The following SAE1 variants were observed in gnomAD, a reference collection of about 807,000 sequenced individuals.
The protein encoded by SAE1 is SUMO1 activating enzyme subunit 1, also known as SUMO-activating enzyme subunit 1.
A neutral mutation model predicts 40.6 loss-of-function variants in SAE1; 11 were observed. The observed-to-expected ratio is 0.27, with a 90% CI of 0.17 to 0.45. The LOEUF is 0.45. SAE1 is among the 20% of genes least tolerant of loss of function. The pLI is 1.00. For missense variants in SAE1, 373 were observed against 427.3 expected, an observed-to-expected ratio of 0.87 and a Z score of 1.12; for synonymous variants, 155 against 154.3, an observed-to-expected ratio of 1.00 and a Z score of -0.03.
intron 2 of SAE1, among the ~76,000 whole-genome samples, chr19:47,143,992 G>C (rs2058238864): frequency 6.6e-6 from 1 of 152,186 alleles, no homozygotes; most frequent in South Asian, 2.1e-4. Flanking sequence ...TTCACCCCTA[G>C]TGATTCTCAT....
chr19:47,190,401 A>G (rs975144915), intron 6 of SAE1, among the ~76,000 whole-genome samples: 2 of 152,214 alleles, frequency 1.3e-5, no homozygotes, highest in Non-Finnish European at 2.9e-5. Flanking sequence ...GGAGAATTTA[A>G]TAAGCGAGAA....
Position 47,154,655 on chromosome 19 carries a change from C to T in SAE1, c.528-459C>T, listed in dbSNP as rs547334539. Among the ~76,000 whole-genome samples, 22 of 151,774 alleles carry T rather than the reference C, an allele frequency of 1.4e-4. No individual in the cohort carries two copies. In the South Asian group the frequency reaches 2.7e-3, roughly 19 times the overall value. ...GATTACAGGCGCCCACCACCACGCC[C>T]GGCTAGTTTTTTGTATTTTTAGTAG... On this transcript the variant is annotated intron_variant, in intron 4 of 8. Transcript: ENST00000270225.
intron 6 of SAE1, among the ~76,000 whole-genome samples, chr19:47,196,659 G>A (rs1244446123): frequency 6.6e-6 from 1 of 151,396 alleles, no homozygotes; most frequent in Non-Finnish European, 1.5e-5. Flanking sequence ...ACCGCACCCG[G>A]CTCTTCCAGG....
At chr19:47,174,850 G>A (rs538476643) in intron 6 of SAE1, among the ~76,000 whole-genome samples, 115 of 152,118 alleles carry the variant, frequency 7.6e-4, no homozygotes, top group Non-Finnish European at 1.4e-3. Context: ...TGGGATTACA[G>A]GCGTGAGCCA....
intron 6 of SAE1, among the ~76,000 whole-genome samples, chr19:47,193,970 C>CA (rs1216113667): frequency 2.0e-5 from 3 of 151,988 alleles, no homozygotes; most frequent in African/African-American, 7.2e-5. Flanking sequence ...CTGAGAAAAG[C>CA]ATAGCCCAGA....
chr19:47,154,742 C>T (rs753242960), intron 4 of SAE1, among the ~76,000 whole-genome samples: 9 of 152,064 alleles, frequency 5.9e-5, no homozygotes, highest in African/African-American at 1.2e-4. Context: ...GTGACACGCC[C>T]GCCTTGGCCT....
chr19:47,147,028 A>G (rs543837004), intron 2 of SAE1, among the ~76,000 whole-genome samples: 10 of 152,092 alleles, frequency 6.6e-5, no homozygotes, highest in Non-Finnish European at 1.2e-4. Context: ...GAGTTGGTTT[A>G]TGGAGCTATA....
chr19:47,194,600 G>C (rs1009432287), intron 6 of SAE1, among the ~76,000 whole-genome samples: 1 of 152,158 alleles, frequency 6.6e-6, no homozygotes, highest in Non-Finnish European at 1.5e-5. Context: ...GGGAGAAAGA[G>C]TATTGTCCTT....
chr19:47,178,503 C>G (rs529557164), intron 6 of SAE1, among the ~76,000 whole-genome samples: 9 of 152,194 alleles, frequency 5.9e-5, no homozygotes, highest in Non-Finnish European at 8.8e-5. Flanking sequence ...GAGACAGAGT[C>G]TAGCTTTGTT....
chr19:47,198,390 G>C (rs1190766522), intron 7 of SAE1, among the ~76,000 whole-genome samples: 5 of 152,094 alleles, frequency 3.3e-5, no homozygotes, highest in African/African-American at 9.7e-5. Context: ...GAGATTACAG[G>C]CATGAGCCAC....
rs548334962 is a variant in SAE1, at chr19:47,130,854, C to A, written c.-77C>A. ...AGAAGCACTCCGGGCGTGCTGCCGG[C>A]GGCGGTAGGTGGCGCGCGGGTCCGG... On this transcript the variant is annotated 5_prime_UTR_variant, in exon 1 of 9. Transcript: ENST00000270225. The A allele has an allele frequency of 4.9e-5, 75 of 1,541,774 alleles. No individual in the cohort carries two copies. The South Asian group carries it at 6.2e-4, about 13-fold the overall frequency.
intron 3 of SAE1, among the ~76,000 whole-genome samples, chr19:47,150,791 C>T (rs1289822682): frequency 6.6e-6 from 1 of 152,192 alleles, no homozygotes; most frequent in Non-Finnish European, 1.5e-5. Flanking sequence ...TATCAAACTA[C>T]AGCTTGTGTT....
chr19:47,155,520 G>T (rs2058317029), intron 5 of SAE1, among the ~76,000 whole-genome samples: 2 of 152,000 alleles, frequency 1.3e-5, no homozygotes, highest in Admixed American at 6.6e-5. Context: ...GAGTGCAATG[G>T]CATGATCTCG....
intron 5 of SAE1, among the ~76,000 whole-genome samples, chr19:47,158,947 C>CG (rs2058340907): frequency 6.6e-6 from 1 of 152,126 alleles, no homozygotes; most frequent in Admixed American, 6.6e-5. Context: ...ATGTGAACAT[C>CG]GGGATCATTC....
At chr19:47,140,613 C>A (rs1376525029) in intron 1 of SAE1, among the ~76,000 whole-genome samples, 1 of 138,110 alleles carries the variant, frequency 7.2e-6, no homozygotes, top group Non-Finnish European at 1.6e-5. Flanking sequence ...ATAGTGAGAC[C>A]CTGTGTCTAC....
At chr19:47,209,130 C>CTTT (rs769153313) in intron 8 of SAE1, 29 bp from the exon 9 acceptor site, 12 of 1,609,528 alleles carry the variant, frequency 7.5e-6, no homozygotes, top group African/African-American at 1.3e-5. Context: ...AGCACTTGAG[C>CTTT]TAAACCCTCT....
At chr19:47,188,186 A>G (rs2123291499) in intron 6 of SAE1, among the ~76,000 whole-genome samples, 1 of 152,070 alleles carries the variant, frequency 6.6e-6, no homozygotes, top group Non-Finnish European at 1.5e-5. Flanking sequence ...TCGTCTCTAC[A>G]AAAAATAAAA....
At chr19:47,156,559 C>T (rs1307862776) in intron 5 of SAE1, among the ~76,000 whole-genome samples, 2 of 151,922 alleles carry the variant, frequency 1.3e-5, no homozygotes, top group African/African-American at 4.8e-5. Context: ...TGTTGTCTTG[C>T]TGTGTCCAGG....
intron 5 of SAE1, among the ~76,000 whole-genome samples, chr19:47,164,342 G>C (rs147568146): frequency 0.011 from 1,737 of 151,726 alleles, 29 homozygotes; most frequent in African/African-American, 0.04. Context: ...CTAATTTTTT[G>C]TATTTTTAGT....
Sources: gnomAD v4.1 joint callset for allele counts (sites outside exome capture counted in the v4.1 genomes callset) on GRCh38, gnomAD v4.1.1 for gene constraint, MANE v1.5 for transcripts, NCBI Gene and HGNC (gene_info 2026-07-23, HGNC 2026-07-21) for gene names.